ARHGAP26: variants seen among roughly 807,000 people sequenced by gnomAD.
ARHGAP26 encodes the protein Rho GTPase activating protein 26, also known as rho GTPase-activating protein 26.
Under a neutral mutation model 104.8 loss-of-function variants are expected in ARHGAP26, and 38 were observed. That is an observed-to-expected ratio of 0.36 (90% CI 0.28 to 0.48). The LOEUF is 0.48. ARHGAP26 is among the 20% of genes least tolerant of loss of function. ARHGAP26 has a pLI of 0.99. For synonymous variants in ARHGAP26, 341 were observed against 340.0 expected (o/e 1.00, Z -0.03); for missense variants, 704 against 947.9 (o/e 0.74, Z 3.38).
intron 11 of ARHGAP26, among the ~76,000 whole-genome samples, chr5:143,005,437 A>T (rs973984840): frequency 3.9e-5 from 6 of 152,262 alleles, no homozygotes; most frequent in African/African-American, 1.2e-4. Flanking sequence ...TCATATGTGC[A>T]GTAGGATGCA....
intron 1 of ARHGAP26, among the ~76,000 whole-genome samples, chr5:142,833,682 G>A (rs982575515): frequency 2.0e-5 from 3 of 152,154 alleles, no homozygotes; most frequent in Non-Finnish European, 2.9e-5. Flanking sequence ...GTGAGCAAGG[G>A]TCATGTTTGG....
chr5:142,891,612 T>TC (rs11422372), intron 5 of ARHGAP26, among the ~76,000 whole-genome samples: 68,920 of 151,542 alleles, frequency 0.45, 18,886 homozygotes, highest in East Asian at 0.91. Flanking sequence ...TCTTAAGATG[T>TC]CAAGTAGCAT....
chr5:142,818,523 A>G (rs1207064258), intron 1 of ARHGAP26, among the ~76,000 whole-genome samples: 4 of 152,182 alleles, frequency 2.6e-5, no homozygotes, highest in African/African-American at 7.2e-5. Context: ...GTCCTTTAAT[A>G]TCATTTAAAA....
chr5:142,832,308 G>A (rs998890934), intron 1 of ARHGAP26, among the ~76,000 whole-genome samples: 4 of 152,226 alleles, frequency 2.6e-5, no homozygotes, highest in Non-Finnish European at 5.9e-5. Context: ...ACAGTTAAAT[G>A]GGGTTATATG....
intron 12 of ARHGAP26, among the ~76,000 whole-genome samples, chr5:143,015,385 T>C (rs245853): frequency 0.95 from 144,634 of 152,250 alleles, 68,890 homozygotes; most frequent in Non-Finnish European, 0.99. Context: ...TGAGAATAGA[T>C]GAGTTCTGGA....
chr5:142,861,449 G>T (rs1753328100), intron 1 of ARHGAP26, among the ~76,000 whole-genome samples: 1 of 151,662 alleles, frequency 6.6e-6, no homozygotes, highest in African/African-American at 2.4e-5. Flanking sequence ...ATGCTTAGGA[G>T]TTGCCACCTT....
chr5:143,042,360 A>T (rs1783592810), intron 14 of ARHGAP26, among the ~76,000 whole-genome samples: 1 of 152,182 alleles, frequency 6.6e-6, no homozygotes, highest in Non-Finnish European at 1.5e-5. Flanking sequence ...AATATATATA[A>T]CCAGAGAAAT....
At chr5:143,121,645 T>G (rs1796147285) in intron 18 of ARHGAP26, among the ~76,000 whole-genome samples, 1 of 152,238 alleles carries the variant, frequency 6.6e-6, no homozygotes, top group African/African-American at 2.4e-5. Context: ...TGTTGTATTT[T>G]TTGTACCGTT....
At chr5:142,934,527 C>A (rs954820406) in intron 11 of ARHGAP26, among the ~76,000 whole-genome samples, 2 of 152,164 alleles carry the variant, frequency 1.3e-5, no homozygotes, top group African/African-American at 4.8e-5. Flanking sequence ...CTGAAAGCCT[C>A]TAGGGGACAT....
At chr5:143,216,485 C>T (rs190382803) in intron 22 of ARHGAP26, 456 of 334,798 alleles carry the variant, frequency 1.4e-3, no homozygotes, top group Non-Finnish European at 2.2e-3. Context: ...ATGCCTTCTT[C>T]ATGTTCTCAA....
Position 143,108,281 on chromosome 5 carries a change from A to G in ARHGAP26, c.1539-12707A>G, listed in dbSNP as rs533088763. On this transcript the variant is annotated intron_variant, in intron 17 of 22. Transcript: ENST00000645722. ...TCATTAGCGTTAGACATGTAAACAT[A>G]TGGAATGTGGATGTACTATACCAGT... Among the ~76,000 whole-genome samples the G allele has an allele frequency of 4.6e-5, 7 of 152,340 alleles. No individual in the cohort carries two copies. The South Asian group carries it at 1.4e-3, about 32-fold the overall frequency.
chr5:143,063,596 G>A (rs1253524651), intron 17 of ARHGAP26, among the ~76,000 whole-genome samples: 1 of 152,178 alleles, frequency 6.6e-6, no homozygotes, highest in African/African-American at 2.4e-5. Context: ...GCACACAATA[G>A]ACGCTCATGA....
At chr5:142,784,082 C>T (rs566302154) in intron 1 of ARHGAP26, among the ~76,000 whole-genome samples, 2 of 152,312 alleles carry the variant, frequency 1.3e-5, no homozygotes, top group East Asian at 1.9e-4. Flanking sequence ...CACAATCTGC[C>T]GGCCTTCTGA....
chr5:143,168,465 T>TTTTTTTTTTTTTTTTTTA (rs1802336965), intron 20 of ARHGAP26: 1 of 144,312 alleles, frequency 6.9e-6, no homozygotes, highest in African/African-American at 2.5e-5. Flanking sequence ...TTTTTTTTTT[T>TTTTTTTTTTTTTTTTTTA]TTTTTTTTTT....
At chr5:142,856,086 T>G (rs948945594) in intron 1 of ARHGAP26, among the ~76,000 whole-genome samples, 16 of 152,232 alleles carry the variant, frequency 1.1e-4, no homozygotes, top group African/African-American at 3.6e-4. Flanking sequence ...TGTTTGCTCC[T>G]GTGGACAAAG....
chr5:142,931,921 TG>T, intron 10 of ARHGAP26, 125 bp from the exon 11 acceptor site: 1 of 848,496 alleles, frequency 1.2e-6, no homozygotes, highest in Non-Finnish European at 2.0e-6. Context: ...CCGAGTGTTT[TG>T]CCCCTCTTTG....
At chr5:142,954,831 A>G (rs772933865) in intron 11 of ARHGAP26, among the ~76,000 whole-genome samples, 8 of 152,170 alleles carry the variant, frequency 5.3e-5, no homozygotes, top group Non-Finnish European at 1.2e-4. Flanking sequence ...TTCTTTGTTT[A>G]GGAATGTGCA....
At chr5:142,965,426 C>T (rs890777685) in intron 11 of ARHGAP26, among the ~76,000 whole-genome samples, 2 of 152,132 alleles carry the variant, frequency 1.3e-5, no homozygotes, top group Non-Finnish European at 2.9e-5. Context: ...CACCTGGCAA[C>T]GGGCGTCTTC....
At chr5:142,822,332 T>C (rs191973007) in intron 1 of ARHGAP26, among the ~76,000 whole-genome samples, 1 of 152,336 alleles carries the variant, frequency 6.6e-6, no homozygotes, top group East Asian at 1.9e-4. Flanking sequence ...GTGACATACA[T>C]GCTGGGCTCT....
Sources: allele counts gnomAD v4.1 joint callset (sites outside exome capture counted in the v4.1 genomes callset), GRCh38; gene constraint gnomAD v4.1.1; transcripts MANE v1.5; gene names NCBI Gene and HGNC (gene_info 2026-07-23, HGNC 2026-07-21).